FOXN3: variants seen among roughly 807,000 people sequenced by gnomAD.
FOXN3 encodes the protein forkhead box protein N3.
In FOXN3, 7 loss-of-function variants were observed where a neutral mutation model predicts 38.4. That is an observed-to-expected ratio of 0.18 (90% CI 0.10 to 0.34). The LOEUF (loss-of-function observed/expected upper bound fraction) is 0.34. Ranked by LOEUF, FOXN3 falls within the 10% of genes least tolerant of loss-of-function variation. FOXN3 has a pLI of 1.00. For missense variants in FOXN3, 456 were observed against 613.4 expected, an observed-to-expected ratio of 0.74 and a Z score of 2.71; for synonymous variants, 230 against 242.2, an observed-to-expected ratio of 0.95 and a Z score of 0.47.
chr14:89,565,471 T>C (rs1236005353), intron 1 of FOXN3, among the ~76,000 whole-genome samples: 3 of 152,168 alleles, frequency 2.0e-5, no homozygotes. Context: ...ACCCAGGACC[T>C]GGGAGACATG....
intron 4 of FOXN3, among the ~76,000 whole-genome samples, chr14:89,221,964 A>T (rs1433545726): frequency 1.3e-5 from 2 of 152,188 alleles, no homozygotes; most frequent in Non-Finnish European, 2.9e-5. Flanking sequence ...CTGGGACTAC[A>T]GGCGCCCGCC....
rs1026092197 is a variant in FOXN3 at position 89,177,003 on chromosome 14, T to C, written c.851+3698A>G. Among the ~76,000 whole-genome samples, 619 of 130,026 alleles carry C rather than the reference T, an allele frequency of 4.8e-3. 2 individuals are homozygous for C. The highest frequency in any genetic ancestry group is 7.1e-3 in the Non-Finnish European group (447 of 63,196). The allele number at this position is 130,026 out of a possible 152,430, so 85.3% of individuals were successfully genotyped here. ...CTTTACTGGTTATCTCTCTCTCTCT[T>C]TCTTTCTTTTTTTTTTTTTTTTTTT... is the stretch of plus-strand genomic sequence containing the variant. On this transcript the variant is annotated intron_variant, in intron 5 of 5. Coordinates refer to ENST00000557258, the MANE Select transcript of FOXN3 (RefSeq NM_005197.4).
intron 1 of FOXN3, among the ~76,000 whole-genome samples, chr14:89,500,162 T>G (rs923202971): frequency 3.9e-5 from 6 of 152,084 alleles, no homozygotes; most frequent in Admixed American, 3.9e-4. Context: ...CAGCTTGGGT[T>G]TTTTACACCA....
intron 2 of FOXN3, among the ~76,000 whole-genome samples, chr14:89,398,127 T>A (rs759366): frequency 0.98 from 148,615 of 152,290 alleles, 72,642 homozygotes; most frequent in Middle Eastern, 1. Context: ...AATTCTGGCC[T>A]TTGCCCAATC....
chr14:89,514,534 C>T (rs1566682600), intron 1 of FOXN3, among the ~76,000 whole-genome samples: 1 of 152,196 alleles, frequency 6.6e-6, no homozygotes, highest in Non-Finnish European at 1.5e-5. Context: ...TAGACACAGA[C>T]ATCATCTACC....
intron 2 of FOXN3, among the ~76,000 whole-genome samples, chr14:89,380,592 G>A (rs1254577029): frequency 1.3e-5 from 2 of 152,192 alleles, no homozygotes; most frequent in Non-Finnish European, 2.9e-5. Flanking sequence ...CCAGCATGAA[G>A]GCGACTGGAA....
At chr14:89,508,048 T>A (rs1596302040) in intron 1 of FOXN3, among the ~76,000 whole-genome samples, 1 of 152,190 alleles carries the variant, frequency 6.6e-6, no homozygotes, top group East Asian at 1.9e-4. Flanking sequence ...CAGGGCTGTG[T>A]GTTTTGTTTT....
At chr14:89,503,415 G>A (rs936167305) in intron 1 of FOXN3, among the ~76,000 whole-genome samples, 3 of 152,054 alleles carry the variant, frequency 2.0e-5, no homozygotes, top group African/African-American at 7.3e-5. Context: ...CTCACATTCA[G>A]TTAGTATACA....
chr14:89,221,399 C>A (rs1884456696), intron 4 of FOXN3, among the ~76,000 whole-genome samples: 1 of 152,150 alleles, frequency 6.6e-6, no homozygotes, highest in Non-Finnish European at 1.5e-5. Context: ...TTCTTTCTCT[C>A]TTTTAAAGTC....
intron 1 of FOXN3, among the ~76,000 whole-genome samples, chr14:89,612,687 G>A (rs1037229833): frequency 2.0e-4 from 31 of 151,974 alleles, no homozygotes; most frequent in Non-Finnish European, 1.3e-4. Flanking sequence ...CCAGCCACTC[G>A]GGAGGTTGAG....
At chr14:89,330,377 G>A (rs928229626) in intron 3 of FOXN3, among the ~76,000 whole-genome samples, 1 of 152,178 alleles carries the variant, frequency 6.6e-6, no homozygotes, top group Non-Finnish European at 1.5e-5. Flanking sequence ...CAGACATCCC[G>A]CTTCTGCTAC....
rs146596616 is a variant in FOXN3, at chr14:89,435,982, C to G, written c.-14-23492G>C. 1.9e-4 allele frequency among the ~76,000 whole-genome samples: 29 copies of G among 151,198 alleles called. No individual in the cohort carries two copies. The East Asian group carries it at 3.1e-3, about 16-fold the overall frequency. ...ACTCCATTTCCTAGGGCTCCTCCCT[C>G]ACATCCTTCATCACTCATTTTTCTT... On this transcript the variant is annotated intron_variant, in intron 1 of 6. Coordinates refer to the FOXN3 transcript ENST00000345097.
At chr14:89,189,275 G>T (rs1289497371) in intron 4 of FOXN3, among the ~76,000 whole-genome samples, 2 of 152,184 alleles carry the variant, frequency 1.3e-5, no homozygotes, top group Admixed American at 1.3e-4. Context: ...TCTGAGGATG[G>T]ATGTTTTCCT....
intron 3 of FOXN3, among the ~76,000 whole-genome samples, chr14:89,311,023 T>C (rs1248001806): frequency 6.6e-6 from 1 of 150,762 alleles, no homozygotes; most frequent in Non-Finnish European, 1.5e-5. Flanking sequence ...GAAGAATCAC[T>C]TGAACCCGGG....
chr14:89,426,116 G>C (rs1892020275), intron 1 of FOXN3, among the ~76,000 whole-genome samples: 1 of 151,772 alleles, frequency 6.6e-6, no homozygotes, highest in Non-Finnish European at 1.5e-5. Context: ...AAAACAAGCG[G>C]GCAGAACATC....
intron 1 of FOXN3, among the ~76,000 whole-genome samples, chr14:89,483,281 A>C (rs1333619782): frequency 6.6e-6 from 1 of 152,128 alleles, no homozygotes; most frequent in African/African-American, 2.4e-5. Flanking sequence ...CCATGTTTTG[A>C]GATGTAGATA....
chr14:89,402,602 G>C (rs1891279078), intron 2 of FOXN3, among the ~76,000 whole-genome samples: 1 of 152,188 alleles, frequency 6.6e-6, no homozygotes, highest in South Asian at 2.1e-4. Flanking sequence ...CAAAGCAGAG[G>C]GTGGGGTTTC....
At chr14:89,305,144 T>A (rs1036337537) in intron 3 of FOXN3, among the ~76,000 whole-genome samples, 1 of 151,872 alleles carries the variant, frequency 6.6e-6, no homozygotes, top group African/African-American at 2.4e-5. Flanking sequence ...CCAGGACGGA[T>A]CACACAGGCC....
intron 1 of FOXN3, among the ~76,000 whole-genome samples, chr14:89,542,554 G>A (rs928880794): frequency 2.6e-5 from 4 of 152,144 alleles, no homozygotes; most frequent in African/African-American, 7.2e-5. Context: ...TGCTTTTGTA[G>A]AACAGCTCGT....
Sources: gnomAD v4.1 joint callset for allele counts (sites outside exome capture counted in the v4.1 genomes callset) on GRCh38, gnomAD v4.1.1 for gene constraint, MANE v1.5 for transcripts, NCBI Gene and HGNC (gene_info 2026-07-23, HGNC 2026-07-21) for gene names.